Variants in MINAR1 observed in about 807,000 individuals in gnomAD.
MINAR1 encodes major intrinsically disordered Notch2-binding receptor 1.
Under a neutral mutation model 65.1 loss-of-function variants are expected in MINAR1, and 40 were observed. The ratio of observed to expected loss-of-function variants is 0.61; its 90% confidence interval spans 0.48 to 0.80. MINAR1 has a LOEUF of 0.80. Ranked by LOEUF, MINAR1 falls within the 30% of genes least tolerant of loss-of-function variation. The pLI is 0.00. For missense variants in MINAR1, 1,128 were observed against 1,148.0 expected, an observed-to-expected ratio of 0.98 and a Z score of 0.25; for synonymous variants, 482 against 449.1, an observed-to-expected ratio of 1.07 and a Z score of -0.93.
rs1895945716 is a variant in MINAR1 at position 79,468,234 on chromosome 15, CATTT to C, written c.2604_2607del (p.Tyr869LeufsTer8). On this transcript the variant is annotated frameshift_variant, in exon 4 of 4. Transcript: ENST00000305428. LOFTEE classifies it high-confidence loss of function. The stretch of plus-strand genomic sequence containing the variant: ...ATAATTTAGAGTACTGGATGGAAGA[CATTT>C]ATACTCCAGGATACGATTCATTACT... The C allele has an allele frequency of 1.2e-6, 2 of 1,613,944 alleles. No homozygotes were observed. Among genetic ancestry groups the C allele is most frequent in the Non-Finnish European group, 1.7e-6 (2 of 1,179,964 alleles).
upstream of MINAR1, among the ~76,000 whole-genome samples, chr15:79,431,108 G>A (rs917087451): frequency 7.3e-5 from 11 of 150,268 alleles, no homozygotes; most frequent in Admixed American, 4.6e-4. Flanking sequence ...AGCCGCCACA[G>A]CCCCCGAGAG....
chr15:79,453,319 G>A (rs369234576), intron 1 of MINAR1, among the ~76,000 whole-genome samples: 515 of 152,146 alleles, frequency 3.4e-3, no homozygotes, highest in South Asian at 0.018. Context: ...CTTCAACAGC[G>A]TCAGAAGACC....
chr15:79,453,971 G>A (rs1371278483), intron 1 of MINAR1, among the ~76,000 whole-genome samples: 2 of 152,174 alleles, frequency 1.3e-5, no homozygotes, highest in African/African-American at 4.8e-5. Context: ...TCACCCAAAC[G>A]ATAAAATATA....
chr15:79,447,508 T>G (rs1895056926), intron 1 of MINAR1, among the ~76,000 whole-genome samples: 1 of 152,234 alleles, frequency 6.6e-6, no homozygotes, highest in Admixed American at 6.5e-5. Flanking sequence ...CTGGTGATTT[T>G]GTGTCTGCTG....
intron 2 of MINAR1, among the ~76,000 whole-genome samples, chr15:79,460,111 C>G (rs918196590): frequency 6.6e-6 from 1 of 152,208 alleles, no homozygotes; most frequent in Non-Finnish European, 1.5e-5. Flanking sequence ...CAGATCCGCT[C>G]GATAGGTCTA....
intron 1 of MINAR1, among the ~76,000 whole-genome samples, chr15:79,453,209 A>ATGTGC (rs1895296493): frequency 6.6e-6 from 1 of 152,040 alleles, no homozygotes; most frequent in South Asian, 2.1e-4. Flanking sequence ...CTCAGCACAT[A>ATGTGC]GTAGGTGGTC....
intron 2 of MINAR1, among the ~76,000 whole-genome samples, chr15:79,462,061 A>C (rs1331825101): frequency 1.3e-5 from 2 of 152,160 alleles, no homozygotes; most frequent in Non-Finnish European, 2.9e-5. Flanking sequence ...TATTACTGAG[A>C]TACACAACTT....
chr15:79,448,831 G>C (rs190919702), intron 1 of MINAR1, among the ~76,000 whole-genome samples: 1 of 152,286 alleles, frequency 6.6e-6, no homozygotes, highest in East Asian at 1.9e-4. Context: ...CTTGTCTTTT[G>C]TCCAAAGATT....
chr15:79,463,163 C>T lies in MINAR1; in HGVS notation c.2395C>T (p.Pro799Ser), dbSNP rs767862261. The T allele has an allele frequency of 1.2e-6, 2 of 1,614,224 alleles. No individual in the cohort carries two copies. Among genetic ancestry groups the T allele is most frequent in the Non-Finnish European group, 1.7e-6 (2 of 1,180,050 alleles). The change falls in exon 3 of 4, where the codon CCT becomes TCT. Residue 799 changes from proline to serine, a missense_variant. Coordinates refer to ENST00000305428, the MANE Select transcript of MINAR1 (RefSeq NM_015206.3). Reference protein sequence around the residue: ...VEQVFSPHPYPASLKAHMKSN... With the variant: ...VEQVFSPHPYSASLKAHMKSN... ...GCAGGTGTTCAGCCCTCACCCCTAC[C>T]CTGCCTCCCTCAAGGCCCACATGAA... is the stretch of plus-strand genomic sequence containing the variant.
At position 79,457,594 on chromosome 15, in the gene MINAR1, G is replaced by C. The variant is rs1249267881; in HGVS notation, c.1447G>C (p.Glu483Gln). ...GGGCACCCAGACTGAGCACGTGCTG[G>C]AGCCCAAGAAATGCAGAGACCTGTG... ...SVGTQTEHVL[E>Q]PKKCRDLCTS... The change falls in exon 2 of 4, where the codon GAG becomes CAG. Residue 483 changes from glutamate to glutamine, a missense_variant. Coordinates refer to ENST00000305428, the MANE Select transcript of MINAR1 (RefSeq NM_015206.3). 6.2e-7 allele frequency: 1 copy of C among 1,614,036 alleles called. No individual in the cohort carries two copies. Among genetic ancestry groups the C allele is most frequent in the Non-Finnish European group, 8.5e-7 (1 of 1,180,044 alleles).
chr15:79,429,256 G>A (rs769070178), upstream of MINAR1, among the ~76,000 whole-genome samples: 1 of 152,154 alleles, frequency 6.6e-6, no homozygotes, highest in Non-Finnish European at 1.5e-5. Context: ...ATCAACCTCC[G>A]ATCCTGTAAG....
At position 79,457,795 on chromosome 15, in the gene MINAR1, C is replaced by G; in HGVS notation, c.1648C>G (p.Gln550Glu). The change falls in exon 2 of 4, where the codon CAG becomes GAG. Residue 550 changes from glutamine (Q) to glutamate (E), a missense_variant. Transcript: ENST00000305428. ...CTACAACAGCACAGGATCCTTGTCT[C>G]AGCTCCATAAGTCAGACTGCGACAG... ...SCYNSTGSLSQLHKSDCDSSP... is the reference protein window; with the variant it reads ...SCYNSTGSLSELHKSDCDSSP... 1 of 1,614,168 alleles carries G rather than the reference C, an allele frequency of 6.2e-7. No individual in the cohort carries two copies. The highest frequency in any genetic ancestry group is 8.5e-7 in the Non-Finnish European group (1 of 1,180,024).
At chr15:79,411,459 C>T in the MINAR1 span, 37 of 702,336 alleles carry the variant, frequency 5.3e-5, no homozygotes, top group African/African-American at 2.4e-4. Context: ...TGCAGCCAGG[C>T]GGAACACCTG....
At chr15:79,463,702 G>A in intron 3 of MINAR1, 1 of 475,276 alleles carries the variant, frequency 2.1e-6, no homozygotes, top group Non-Finnish European at 4.2e-6. Context: ...TAGCACGTGG[G>A]ATAAGCATAT....
At chr15:79,462,039 T>G (rs1895662030) in intron 2 of MINAR1, among the ~76,000 whole-genome samples, 1 of 152,234 alleles carries the variant, frequency 6.6e-6, no homozygotes, top group Non-Finnish European at 1.5e-5. Context: ...TCTTTTTTCC[T>G]TTTTCTCTTG....
chr15:79,451,662 C>T (rs974647910), intron 1 of MINAR1, among the ~76,000 whole-genome samples: 1 of 152,200 alleles, frequency 6.6e-6, no homozygotes, highest in African/African-American at 2.4e-5. Flanking sequence ...GCTTCCCTGC[C>T]GCGCTGGGCA....
chr15:79,413,115 A>G, the MINAR1 span: 1 of 152,244 alleles, frequency 6.6e-6, no homozygotes, highest in Non-Finnish European at 1.5e-5. Flanking sequence ...GTCTGCAAAC[A>G]TGAGAAAGAC....
chr15:79,423,075 A>G, the MINAR1 span: 1 of 152,238 alleles, frequency 6.6e-6, no homozygotes, highest in Non-Finnish European at 1.5e-5. Flanking sequence ...AATGACCTAT[A>G]TATTCCCTTA....
chr15:79,427,472 C>T (rs146703300), upstream of MINAR1: 1 of 152,248 alleles, frequency 6.6e-6, no homozygotes, highest in East Asian at 1.9e-4. Context: ...TTATGATTGG[C>T]AATCTGCTAC....
Sources: allele counts gnomAD v4.1 joint callset (sites outside exome capture counted in the v4.1 genomes callset), GRCh38; gene constraint gnomAD v4.1.1; transcripts MANE v1.5; gene names NCBI Gene and HGNC (gene_info 2026-07-23, HGNC 2026-07-21).